The following CD72 variants were observed in gnomAD, a reference collection of about 807,000 sequenced individuals.
CD72 encodes the protein B-cell differentiation antigen CD72.
Under a neutral mutation model 50.7 loss-of-function variants are expected in CD72, and 28 were observed. That is an observed-to-expected ratio of 0.55 (90% CI 0.41 to 0.76). The LOEUF (loss-of-function observed/expected upper bound fraction) is 0.76, where lower values mean the gene tolerates loss of function less well. Among genes scored for constraint, CD72 ranks in the 30% least tolerant of loss-of-function variants. CD72 has a pLI of 0.00. For synonymous variants in CD72, 176 were observed against 171.2 expected, an observed-to-expected ratio of 1.03 and a Z score of -0.22; for missense variants, 403 against 420.6, an observed-to-expected ratio of 0.96 and a Z score of 0.37.
rs182960669 is a variant in CD72, at chr9:35,632,304, A to G, written n.408+14099T>C. Among the ~76,000 whole-genome samples the G allele has an allele frequency of 9.8e-4, 148 of 151,150 alleles. 1 individual carries two copies. In the East Asian group the frequency reaches 0.021, roughly 21 times the overall value. Reference sequence around the variant, plus strand: ...GCCATTCTGCCTCAGCCTCCCGAGTAGCTGGGATTACAGGTGCCCACCACC... The same window carrying G: ...GCCATTCTGCCTCAGCCTCCCGAGTGGCTGGGATTACAGGTGCCCACCACC... On this transcript the variant is annotated intron_variant and non_coding_transcript_variant, in intron 1 of 3. Transcript: ENST00000465754.
Position 35,639,875 on chromosome 9 carries a change from G to C in CD72, n.408+6528C>G, listed in dbSNP as rs377709952. On this transcript the variant is annotated intron_variant and non_coding_transcript_variant, in intron 1 of 3. Transcript: ENST00000465754. ...TTGCAAAATGGAAATGTAACTCTGA[G>C]GATTAAGCAATCTTGACTGCTAACA... Among the ~76,000 whole-genome samples, 239 of 152,216 alleles carry C rather than the reference G, an allele frequency of 1.6e-3. 1 individual carries two copies. The South Asian group carries it at 0.016, about 10-fold the overall frequency.
upstream of CD72, among the ~76,000 whole-genome samples, chr9:35,623,922 A>C (rs1823169298): frequency 7.2e-6 from 1 of 139,710 alleles, no homozygotes; most frequent in Non-Finnish European, 1.6e-5. Context: ...TCAGAAAAAA[A>C]TGGGTTAAAA....
At chr9:35,644,350 C>CAAAAAAAAAAAAAAAAAAAAAAAAAAA (rs74176726) in intron 1 of CD72, among the ~76,000 whole-genome samples, 1 of 68,194 alleles carries the variant, frequency 1.5e-5, no homozygotes, top group Non-Finnish European at 2.6e-5. Flanking sequence ...AACTCTGTCT[C>CAAAAAAAAAAAAAAAAAAAAAAAAAAA]AAAAAAAAAA....
upstream of CD72, among the ~76,000 whole-genome samples, chr9:35,622,827 T>G (rs955545939): frequency 6.6e-6 from 1 of 151,258 alleles, no homozygotes; most frequent in Non-Finnish European, 1.5e-5. Flanking sequence ...AACAGCAAAG[T>G]CAGGCACAAT....
At chr9:35,612,668 G>C in intron 6 of CD72, 180 bp downstream of exon 6, 1 of 617,896 alleles carries the variant, frequency 1.6e-6, no homozygotes, top group Non-Finnish European at 2.9e-6. Context: ...GGACCACTGT[G>C]CTGAGAAGAT....
At chr9:35,613,974 C>T (rs1455108884) in intron 5 of CD72, among the ~76,000 whole-genome samples, 1 of 151,244 alleles carries the variant, frequency 6.6e-6, no homozygotes, top group Non-Finnish European at 1.5e-5. Context: ...CACTGCACTC[C>T]AGCCTGGGAG....
chr9:35,642,215 G>A (rs1027986014), intron 1 of CD72, among the ~76,000 whole-genome samples: 1 of 152,196 alleles, frequency 6.6e-6, no homozygotes, highest in African/African-American at 2.4e-5. Flanking sequence ...GCAATTACTT[G>A]TTGACAGTTA....
At chr9:35,620,205 G>A (rs751021747), upstream of CD72, among the ~76,000 whole-genome samples, 1 of 152,066 alleles carries the variant, frequency 6.6e-6, no homozygotes, top group Non-Finnish European at 1.5e-5. Flanking sequence ...CAATACACAG[G>A]TGAACATGAT....
intron 7 of CD72, 53 bp downstream of exon 7, chr9:35,611,750 CT>C: frequency 1.1e-6 from 1 of 947,756 alleles, no homozygotes; most frequent in Non-Finnish European, 1.7e-6. Flanking sequence ...ATTACCATGT[CT>C]TTATGGAGGG....
At chr9:35,636,420 A>C (rs1823290356) in intron 1 of CD72, among the ~76,000 whole-genome samples, 1 of 152,230 alleles carries the variant, frequency 6.6e-6, no homozygotes, top group Non-Finnish European at 1.5e-5. Flanking sequence ...CAGAACAACT[A>C]AGTAGAGAAT....
intron 3 of CD72, 34 bp from the exon 4 acceptor site, chr9:35,616,723 A>G (rs1403523902): frequency 6.5e-7 from 1 of 1,549,474 alleles, no homozygotes; most frequent in Non-Finnish European, 8.9e-7. Flanking sequence ...GAGGGCAGTC[A>G]GCCCCCGTAA....
At chr9:35,618,865 C>A, upstream of CD72, 1 of 857,458 alleles carries the variant, frequency 1.2e-6, no homozygotes, top group Non-Finnish European at 1.6e-6. Context: ...CAGGAACAGG[C>A]CTGGGCCAGA....
chr9:35,639,305 A>G (rs992121517), intron 1 of CD72, among the ~76,000 whole-genome samples: 16 of 152,236 alleles, frequency 1.1e-4, no homozygotes, highest in Non-Finnish European at 2.1e-4. Context: ...TGACATCTCA[A>G]AAAAAGTCAT....
chr9:35,628,515 T>C (rs1823216738), intron 1 of CD72, among the ~76,000 whole-genome samples: 1 of 152,206 alleles, frequency 6.6e-6, no homozygotes, highest in Non-Finnish European at 1.5e-5. Context: ...AAGACATAAG[T>C]GGATCTGAGT....
At chr9:35,614,640 A>G (rs1823039756) in intron 5 of CD72, among the ~76,000 whole-genome samples, 1 of 152,172 alleles carries the variant, frequency 6.6e-6, no homozygotes, top group Admixed American at 6.5e-5. Context: ...GATGCTGACC[A>G]TGGGCAGTTG....
chr9:35,630,432 T>C (rs112892324), intron 1 of CD72, among the ~76,000 whole-genome samples: 9 of 152,372 alleles, frequency 5.9e-5, no homozygotes, highest in Admixed American at 2.6e-4. Flanking sequence ...TTCTTTGTTT[T>C]ACTAATTGGA....
chr9:35,614,962 A>T (rs963876432), intron 5 of CD72, among the ~76,000 whole-genome samples: 4 of 152,086 alleles, frequency 2.6e-5, no homozygotes, highest in Admixed American at 2.6e-4. Flanking sequence ...GGAGGCCTGG[A>T]CTGATGGGAA....
At chr9:35,631,095 T>C (rs1253217789) in intron 1 of CD72, among the ~76,000 whole-genome samples, 1 of 152,194 alleles carries the variant, frequency 6.6e-6, no homozygotes, top group Non-Finnish European at 1.5e-5. Flanking sequence ...TAACTCTAAA[T>C]TGAAACTGCT....
chr9:35,618,561 G>A (rs530867791), upstream of CD72: 1 of 803,696 alleles, frequency 1.2e-6, no homozygotes, highest in African/African-American at 1.7e-5. Context: ...AGAACACAGG[G>A]GTAGGGGATG....
Sources: allele counts gnomAD v4.1 joint callset (sites outside exome capture counted in the v4.1 genomes callset), GRCh38; gene constraint gnomAD v4.1.1; transcripts MANE v1.5; gene names NCBI Gene and HGNC (gene_info 2026-07-23, HGNC 2026-07-21).